The following CCN3 variants were observed in gnomAD, a reference collection of about 807,000 sequenced individuals.
CCN3 encodes CCN family member 3.
CCN3 carries 20 observed loss-of-function variants against 33.4 expected under a neutral mutation model. The ratio of observed to expected loss-of-function variants is 0.60; its 90% CI spans 0.42 to 0.87. The LOEUF (loss-of-function observed/expected upper bound fraction) is 0.87, where lower values mean the gene tolerates loss of function less well. CCN3 is among the 40% of genes least tolerant of loss of function. The pLI is 0.00. For missense variants in CCN3, 465 were observed against 455.3 expected, an observed-to-expected ratio of 1.02 and a Z score of -0.19; for synonymous variants, 205 against 170.4, an observed-to-expected ratio of 1.20 and a Z score of -1.58.
At chr8:119,418,357 C>A in intron 3 of CCN3, 48 bp downstream of exon 3, 1 of 1,580,068 alleles carries the variant, frequency 6.3e-7, no homozygotes. Flanking sequence ...AGGGTAAATA[C>A]AAACATGAAG....
In CCN3 at chr8:119,419,187, A is replaced by G. The variant is rs1820091963; in HGVS notation, c.619A>G (p.Ile207Val). ...AGTCTCTGACTCAAGTGTCAACTGC[A>G]TTGAACAGACCACAGAGTGGACAGC... ...VEVSDSSVNC[I>V]EQTTEWTACS... The change falls in exon 4 of 5, where the codon ATT becomes GTT. Residue 207 changes from isoleucine to valine, a missense_variant. Coordinates refer to ENST00000259526, the MANE Select transcript of CCN3 (RefSeq NM_002514.4). 1.2e-6 allele frequency: 2 copies of G among 1,614,240 alleles called. No individual in the cohort carries two copies. Among genetic ancestry groups the G allele is most frequent in the African/African-American group, 2.7e-5 (2 of 75,056 alleles).
chr8:119,419,193 CA>C lies in CCN3; in HGVS notation c.626del (p.Gln209ArgfsTer30). 1.2e-6 allele frequency: 2 copies of C among 1,614,250 alleles called. No individual in the cohort carries two copies. Among genetic ancestry groups the C allele is most frequent in the Non-Finnish European group, 1.7e-6 (2 of 1,180,048 alleles). ...VSDSSVNCIE[Q>X]TTEWTACSKS... is the part of the protein sequence containing the mutation. ...TGACTCAAGTGTCAACTGCATTGAA[CA>C]GACCACAGAGTGGACAGCATGCTCC... On this transcript the variant is annotated frameshift_variant, in exon 4 of 5. Transcript: ENST00000259526. LOFTEE classifies it high-confidence loss of function.
chr8:119,417,571 T>C (rs556918544), intron 2 of CCN3, among the ~76,000 whole-genome samples: 1 of 152,350 alleles, frequency 6.6e-6, no homozygotes, highest in Middle Eastern at 3.4e-3. Context: ...CCTTCCTTTC[T>C]GGACAGGAGG....
chr8:119,422,690 T>C (rs978509862), intron 4 of CCN3, 146 bp from the exon 5 acceptor site: 2 of 715,320 alleles, frequency 2.8e-6, no homozygotes, highest in African/African-American at 3.5e-5. Context: ...GCTGACTACA[T>C]TGCTCAAGCA....
Position 119,419,081 on chromosome 8 carries a change from A to G in CCN3, c.563-50A>G, listed in dbSNP as rs533278986. ...TAATGGCTGAAAAGGACCACTTTCC[A>G]ATCCTCACATTGTACCTAATATGGC... On this transcript the variant is annotated intron_variant, in intron 3 of 4. Transcript: ENST00000259526. 2.0e-6 allele frequency: 3 copies of G among 1,482,602 alleles called. No individual in the cohort carries two copies. In the African/African-American group the frequency reaches 4.2e-5, roughly 21 times the overall value. 91.8% of individuals were successfully genotyped at this position (1,482,602 alleles called of 1,614,324 possible). A position where few individuals can be genotyped will look rare whatever the true frequency, so the allele number is the denominator to read the frequency against.
chr8:119,417,674 T>C (rs962275166), intron 2 of CCN3, among the ~76,000 whole-genome samples: 6 of 152,208 alleles, frequency 3.9e-5, no homozygotes, highest in African/African-American at 1.2e-4. Flanking sequence ...AGCTAACCTG[T>C]TGGAAAACAT....
Position 119,424,054 on chromosome 8 carries a change from G to A in CCN3, c.*922G>A, listed in dbSNP as rs1820162039. On this transcript the variant is annotated 3_prime_UTR_variant, in exon 5 of 5. Transcript: ENST00000259526. ...AAATAGAGCAAAATCAACATGACTG[G>A]TGGTGAGAGACCACACATTTTATGA... is the stretch of plus-strand genomic sequence containing the variant. 1 of 152,144 alleles carries A rather than the reference G, an allele frequency of 6.6e-6. No homozygotes were observed. The highest frequency in any genetic ancestry group is 1.5e-5 in the Non-Finnish European group (1 of 68,022). 9.4% of individuals were successfully genotyped at this position (152,144 alleles called of 1,614,324 possible).
intron 3 of CCN3, 123 bp from the exon 4 acceptor site, chr8:119,419,008 A>C: frequency 1.5e-6 from 1 of 662,472 alleles, no homozygotes; most frequent in Non-Finnish European, 2.6e-6. Context: ...GTGTCCTGGG[A>C]GCATGGGTGT....
intron 4 of CCN3, 27 bp downstream of exon 4, chr8:119,419,372 C>T: frequency 1.9e-6 from 3 of 1,606,866 alleles, no homozygotes; most frequent in Non-Finnish European, 2.6e-6. Context: ...AACCTCCCAT[C>T]CTGAAGGTAA....
Position 119,422,931 on chromosome 8 carries a change from C to T in CCN3, c.873C>T (p.Phe291=). Residue 291 remains phenylalanine, a synonymous_variant, in exon 5 of 5, where the codon TTC becomes TTT. Transcript: ENST00000259526. ...GCCTGCACACCTACAAGCCCAGGTT[C>T]TGTGGGGTCTGCAGTGATGGCCGCT... ...CTSLHTYKPR[F]CGVCSDGRCC... 1 of 1,614,184 alleles carries T rather than the reference C, an allele frequency of 6.2e-7. No individual in the cohort carries two copies. The highest frequency in any genetic ancestry group is 8.5e-7 in the Non-Finnish European group (1 of 1,180,032).
At position 119,416,479 on chromosome 8, in the gene CCN3, A is replaced by C. The variant is rs1022925926; in HGVS notation, c.-54A>C. 6.4e-7 allele frequency: 1 copy of C among 1,557,478 alleles called. No homozygotes were observed. Among genetic ancestry groups the C allele is most frequent in the Non-Finnish European group, 8.8e-7 (1 of 1,133,648 alleles). On this transcript the variant is annotated 5_prime_UTR_variant, in exon 1 of 5. Coordinates refer to ENST00000259526, the MANE Select transcript of CCN3 (RefSeq NM_002514.4). ...GACCAGGGGGAAGGCGAGCAGTGCC[A>C]ATCTACAGCGAAGAAAGTCTCGTTT...
At chr8:119,420,651 T>C (rs1256827474) in intron 4 of CCN3, among the ~76,000 whole-genome samples, 1 of 152,190 alleles carries the variant, frequency 6.6e-6, no homozygotes, top group African/African-American at 2.4e-5. Context: ...CAGTCTCACA[T>C]ACAAACACAT....
chr8:119,419,445 G>A, intron 4 of CCN3, 100 bp downstream of exon 4: 1 of 1,208,264 alleles, frequency 8.3e-7, no homozygotes, highest in Non-Finnish European at 1.2e-6. Context: ...GACGGAGAGA[G>A]CAGCTATAGC....
At chr8:119,417,089 A>T in intron 2 of CCN3, 120 bp downstream of exon 2, 1 of 853,756 alleles carries the variant, frequency 1.2e-6, no homozygotes, top group South Asian at 1.8e-5. Flanking sequence ...TAATGCAATA[A>T]ATGACATGTA....
intron 4 of CCN3, among the ~76,000 whole-genome samples, chr8:119,420,225 T>C (rs564672422): frequency 7.2e-5 from 11 of 152,326 alleles, no homozygotes; most frequent in African/African-American, 2.2e-4. Flanking sequence ...AATTCTGTCT[T>C]TCCACATGAA....
intron 4 of CCN3, among the ~76,000 whole-genome samples, chr8:119,421,889 A>C (rs1448897494): frequency 6.6e-6 from 1 of 152,266 alleles, no homozygotes; most frequent in Non-Finnish European, 1.5e-5. Context: ...ATGAATGAAC[A>C]CTGTTAATAA....
chr8:119,418,369 A>G, intron 3 of CCN3, 60 bp downstream of exon 3: 2 of 1,563,080 alleles, frequency 1.3e-6, no homozygotes, highest in Non-Finnish European at 1.7e-6. Flanking sequence ...AACATGAAGA[A>G]TTTGCAATCT....
chr8:119,418,794 C>T lies in CCN3; in HGVS notation c.563-337C>T, dbSNP rs572955027. On this transcript the variant is annotated intron_variant, in intron 3 of 4. Transcript: ENST00000259526. ...GTAAGGCTCAGATGGCACTTCAGGA[C>T]CTTTTTTTATTCTTATTTTTGTTTT... Among the ~76,000 whole-genome samples, 9 of 152,208 alleles carry T rather than the reference C, an allele frequency of 5.9e-5. No homozygotes were observed. The East Asian group carries it at 1.7e-3, about 29-fold the overall frequency.
Position 119,416,793 on chromosome 8 carries a change from C to T in CCN3, c.134C>T (p.Ala45Val). The T allele has an allele frequency of 6.3e-7, 1 of 1,599,820 alleles. No homozygotes were observed. The change falls in exon 2 of 5, where the codon GCG (alanine) becomes GTG (valine). Residue 45 changes from alanine to valine, a missense_variant. By Grantham distance (64) the Ala-to-Val change is moderately conservative. Coordinates refer to ENST00000259526, the MANE Select transcript of CCN3 (RefSeq NM_002514.4). The part of the protein sequence containing the change: ...CPPQCPGRCP[A>V]TPPTCAPGVR... Reference sequence around the variant, plus strand: ...CCCCAGTGCCCGGGCCGGTGCCCTGCGACGCCGCCGACCTGCGCCCCCGGG... The same window carrying T: ...CCCCAGTGCCCGGGCCGGTGCCCTGTGACGCCGCCGACCTGCGCCCCCGGG...
Sources: gnomAD v4.1 joint callset for allele counts (sites outside exome capture counted in the v4.1 genomes callset) on GRCh38, gnomAD v4.1.1 for gene constraint, MANE v1.5 for transcripts, NCBI Gene and HGNC (gene_info 2026-07-23, HGNC 2026-07-21) for gene names.